The following LAMC1 variants were observed in gnomAD, a reference collection of about 807,000 sequenced individuals.
LAMC1 encodes laminin subunit gamma-1.
In LAMC1, 38 loss-of-function variants were observed where a neutral mutation model predicts 173.6. The ratio of observed to expected loss-of-function variants is 0.22; its 90% CI spans 0.17 to 0.29. LAMC1 has a LOEUF of 0.29. Ranked by LOEUF, LAMC1 falls within the 10% of genes least tolerant of loss-of-function variation. The pLI is 1.00. For missense variants in LAMC1, 1,824 were observed against 2,051.8 expected (o/e 0.89, Z 2.14); for synonymous variants, 746 against 749.1 (o/e 1.00, Z 0.07).
intron 1 of LAMC1, among the ~76,000 whole-genome samples, chr1:183,063,730 C>A (rs1654797108): frequency 6.6e-6 from 1 of 152,162 alleles, no homozygotes; most frequent in South Asian, 2.1e-4. Flanking sequence ...CCATTTGAAT[C>A]ATTATAAAGA....
At chr1:183,030,717 T>G (rs1298368873) in intron 1 of LAMC1, among the ~76,000 whole-genome samples, 1 of 152,226 alleles carries the variant, frequency 6.6e-6, no homozygotes, top group Non-Finnish European at 1.5e-5. Flanking sequence ...ATTAGACTGT[T>G]ATGTGACTTG....
At chr1:183,040,926 A>G (rs977765955) in intron 1 of LAMC1, among the ~76,000 whole-genome samples, 1 of 152,216 alleles carries the variant, frequency 6.6e-6, no homozygotes, top group Admixed American at 6.5e-5. Context: ...TAGAAATTCC[A>G]TGTGATTGCA....
chr1:183,138,190 A>G lies in LAMC1; in HGVS notation c.4473+363A>G, dbSNP rs912903265. On this transcript the variant is annotated intron_variant, in intron 26 of 27. Coordinates refer to ENST00000258341, the MANE Select transcript of LAMC1 (RefSeq NM_002293.4). ...TTCTTCTTATTCTTGTTCTCCCAGC[A>G]CCTTTAGAGACAAAGACAAGTTTCT... The G allele has an allele frequency of 3.4e-5, 33 of 966,994 alleles. No individual in the cohort carries two copies. In the Admixed American group the frequency reaches 6.8e-4, roughly 20 times the overall value. The allele number at this position is 966,994 out of a possible 1,614,324, so 59.9% of individuals were successfully genotyped here.
chr1:183,076,083 C>T (rs907510679), intron 1 of LAMC1, among the ~76,000 whole-genome samples: 3 of 152,212 alleles, frequency 2.0e-5, no homozygotes, highest in Non-Finnish European at 4.4e-5. Context: ...AGCAATGGCT[C>T]ATAAAACCTC....
chr1:183,036,172 C>G (rs1236097336), intron 1 of LAMC1, among the ~76,000 whole-genome samples: 1 of 150,796 alleles, frequency 6.6e-6, no homozygotes, highest in Non-Finnish European at 1.5e-5. Flanking sequence ...AATCTTGGCT[C>G]ACTGCAACTT....
intron 1 of LAMC1, among the ~76,000 whole-genome samples, chr1:183,025,298 T>C (rs2102002024): frequency 6.6e-6 from 1 of 151,678 alleles, no homozygotes; most frequent in East Asian, 2.0e-4. Flanking sequence ...CTAAACTTTA[T>C]GTAAGTATCA....
At chr1:183,059,838 A>G (rs1181483923) in intron 1 of LAMC1, among the ~76,000 whole-genome samples, 1 of 152,180 alleles carries the variant, frequency 6.6e-6, no homozygotes, top group Non-Finnish European at 1.5e-5. Context: ...CCACTTACAA[A>G]CTACGTGCAT....
intron 1 of LAMC1, among the ~76,000 whole-genome samples, chr1:183,057,754 A>G (rs1391966925): frequency 6.6e-6 from 1 of 152,074 alleles, no homozygotes; most frequent in Non-Finnish European, 1.5e-5. Context: ...AGACTCTGTC[A>G]TACTTTTTTT....
At chr1:183,134,267 T>C (rs1656876443) in intron 22 of LAMC1, among the ~76,000 whole-genome samples, 1 of 152,248 alleles carries the variant, frequency 6.6e-6, no homozygotes, top group African/African-American at 2.4e-5. Context: ...ACAGATTGTC[T>C]GATTCTATAT....
At chr1:183,039,813 C>CT in intron 1 of LAMC1, among the ~76,000 whole-genome samples, 1 of 152,164 alleles carries the variant, frequency 6.6e-6, no homozygotes, top group Non-Finnish European at 1.5e-5. Flanking sequence ...GATTTGTTTT[C>CT]TGTGCTGTCT....
chr1:183,052,344 C>CT (rs1005084263), intron 1 of LAMC1, among the ~76,000 whole-genome samples: 350 of 149,260 alleles, frequency 2.3e-3, no homozygotes, highest in Middle Eastern at 7.1e-3. Flanking sequence ...TCTTTCTTTT[C>CT]TTTTTTTTTT....
intron 3 of LAMC1, among the ~76,000 whole-genome samples, chr1:183,109,592 G>A (rs189729951): frequency 3.9e-5 from 6 of 152,288 alleles, no homozygotes; most frequent in Non-Finnish European, 7.4e-5. Flanking sequence ...ATCAAAGTTT[G>A]TGCAGCAGTC....
chr1:183,114,880 C>T (rs910541825), intron 5 of LAMC1, among the ~76,000 whole-genome samples, 161 bp downstream of exon 5: 1 of 152,226 alleles, frequency 6.6e-6, no homozygotes, highest in African/African-American at 2.4e-5. Context: ...CATGCCTCCA[C>T]CTTTTTTAAC....
Position 183,023,996 on chromosome 1 carries a change from G to A in LAMC1, c.280G>A (p.Ala94Thr), listed in dbSNP as rs140068114. The A allele has an allele frequency of 1.2e-6, 2 of 1,612,970 alleles. No homozygotes were observed. The highest frequency in any genetic ancestry group is 2.7e-5 in the African/African-American group (2 of 74,936). The change falls in exon 1 of 28, where the codon GCC (alanine) becomes ACC (threonine). Residue 94 changes from alanine to threonine, a missense_variant. Physicochemically the swap from Ala to Thr is moderately conservative, Grantham distance 58. Coordinates refer to ENST00000258341, the MANE Select transcript of LAMC1 (RefSeq NM_002293.4). ...GVTKSCHLCD[A>T]GQPHLQHGAA... ...CACCAAGTCCTGTCACCTGTGCGACGCCGGGCAGCCCCACCTGCAGCACGG... is the reference window on the plus strand; with the variant it reads ...CACCAAGTCCTGTCACCTGTGCGACACCGGGCAGCCCCACCTGCAGCACGG...
At chr1:183,118,759 C>T (rs1377826817) in intron 11 of LAMC1, among the ~76,000 whole-genome samples, 3 of 151,646 alleles carry the variant, frequency 2.0e-5, no homozygotes, top group Non-Finnish European at 4.4e-5. Flanking sequence ...ATTCTACTGG[C>T]TCAAGTTGCC....
chr1:183,045,162 C>G (rs1454903739), intron 1 of LAMC1, among the ~76,000 whole-genome samples: 1 of 149,526 alleles, frequency 6.7e-6, no homozygotes, highest in African/African-American at 2.5e-5. Context: ...ATGTATATGG[C>G]CAGTTGATTA....
rs538113258 is a variant in LAMC1, at chr1:183,143,933, C to A, written c.*1143C>A. On this transcript the variant is annotated 3_prime_UTR_variant, in exon 28 of 28. Transcript: ENST00000258341. Reference sequence around the variant, plus strand: ...CTCAAAAAACATTGTTTGCCAAATCCTGGTGGCAAATACTTGCACTCAGTA... The same window carrying A: ...CTCAAAAAACATTGTTTGCCAAATCATGGTGGCAAATACTTGCACTCAGTA... 1.3e-5 allele frequency: 2 copies of A among 152,300 alleles called. No individual in the cohort carries two copies. The highest frequency in any genetic ancestry group is 3.9e-4 in the East Asian group (2 of 5,186). 9.4% of individuals were successfully genotyped at this position (152,300 alleles called of 1,614,324 possible).
Position 183,134,715 on chromosome 1 carries a change from A to G in LAMC1, c.3905A>G (p.Gln1302Arg). ...EAENLEQLID[Q>R]KLKDYEDLRE... is the part of the protein sequence containing the mutation. The stretch of plus-strand genomic sequence containing the variant: ...GAGAATCTGGAACAACTGATTGACC[A>G]GAAATTAAAAGATTATGAGGACCTC... The change falls in exon 23 of 28, where the codon CAG (glutamine) becomes CGG (arginine). Residue 1302 changes from glutamine to arginine, a missense_variant. Gln to Arg is a conservative substitution (Grantham distance 43, BLOSUM62 1). Transcript: ENST00000258341. 6.2e-7 allele frequency: 1 copy of G among 1,613,250 alleles called. No homozygotes were observed. The highest frequency in any genetic ancestry group is 8.5e-7 in the Non-Finnish European group (1 of 1,179,300).
intron 1 of LAMC1, among the ~76,000 whole-genome samples, chr1:183,058,101 A>G (rs1370668187): frequency 1.3e-5 from 2 of 152,100 alleles, no homozygotes; most frequent in African/African-American, 2.4e-5. Flanking sequence ...TTTTTTGTCT[A>G]TGATGTAGTT....
Sources: gnomAD v4.1 joint callset for allele counts (sites outside exome capture counted in the v4.1 genomes callset) on GRCh38, gnomAD v4.1.1 for gene constraint, MANE v1.5 for transcripts, NCBI Gene and HGNC (gene_info 2026-07-23, HGNC 2026-07-21) for gene names.